Variants in CDKL1 observed in about 807,000 individuals in gnomAD.
CDKL1 encodes cyclin-dependent kinase-like 1.
Under a neutral mutation model 42.0 loss-of-function variants are expected in CDKL1, and 41 were observed. The observed-to-expected ratio is 0.98, with a 90% CI of 0.76 to 1.27. The LOEUF (loss-of-function observed/expected upper bound fraction) is 1.27. CDKL1 is among the 50% of genes most tolerant of loss of function. CDKL1 has a pLI of 0.00. For synonymous variants in CDKL1, 153 were observed against 158.6 expected (o/e 0.96, Z 0.26); for missense variants, 394 against 428.4 (o/e 0.92, Z 0.71).
At chr14:50,343,102 T>C in intron 4 of CDKL1, 1 of 1,201,898 alleles carries the variant, frequency 8.3e-7, no homozygotes, top group Non-Finnish European at 1.1e-6. Flanking sequence ...GATTTTCTCA[T>C]TAAATGACAA....
intron 2 of CDKL1, chr14:50,362,383 C>T (rs554974846): frequency 1.5e-5 from 4 of 268,996 alleles, no homozygotes; most frequent in South Asian, 3.1e-5. Context: ...CTTGGAGAAC[C>T]TTTATGTCTA....
chr14:50,352,310 C>T (rs2033927047), intron 3 of CDKL1, among the ~76,000 whole-genome samples: 1 of 151,420 alleles, frequency 6.6e-6, no homozygotes, highest in African/African-American at 2.4e-5. Flanking sequence ...ATAATAGAGC[C>T]TAAGGTAGCA....
chr14:50,375,550 T>C (rs2034705291), intron 2 of CDKL1, among the ~76,000 whole-genome samples: 1 of 152,138 alleles, frequency 6.6e-6, no homozygotes, highest in Non-Finnish European at 1.5e-5. Flanking sequence ...TCAACATCAA[T>C]AGTGGTAAGT....
At chr14:50,351,759 G>A (rs1203675659) in intron 3 of CDKL1, among the ~76,000 whole-genome samples, 2 of 151,742 alleles carry the variant, frequency 1.3e-5, no homozygotes, top group Non-Finnish European at 2.9e-5. Flanking sequence ...AAAGGTCAGG[G>A]GAGGGAATTA....
intron 2 of CDKL1, among the ~76,000 whole-genome samples, chr14:50,362,589 T>C (rs763333923): frequency 4.6e-5 from 7 of 151,944 alleles, no homozygotes; most frequent in Non-Finnish European, 8.8e-5. Context: ...CAGCACCCTG[T>C]GTCTAGCTCA....
intron 3 of CDKL1, chr14:50,356,967 C>T (rs543501977): frequency 2.0e-5 from 3 of 152,240 alleles, no homozygotes; most frequent in African/African-American, 7.2e-5. Flanking sequence ...AAAGAGCTGA[C>T]TTTCATTGCT....
Position 50,336,324 on chromosome 14 carries a change from T to G in CDKL1, c.739-1703A>C, listed in dbSNP as rs111441042. On this transcript the variant is annotated intron_variant, in intron 7 of 9. Coordinates refer to ENST00000395834, the MANE Select transcript of CDKL1 (RefSeq NM_004196.7). ...AATCTCTGGGAAGCCATGGGAAGCT[T>G]CTTACATTTATGAAACCTGGGTTAT... is the stretch of plus-strand genomic sequence containing the variant. The G allele has an allele frequency of 1.2e-4, 136 of 1,124,484 alleles. No individual in the cohort carries two copies. In the African/African-American group the frequency reaches 2.0e-3, roughly 17 times the overall value. The allele number at this position is 1,124,484 out of a possible 1,614,324, so 69.7% of individuals were successfully genotyped here. A position where few individuals can be genotyped will look rare whatever the true frequency, so the allele number is the denominator to read the frequency against.
chr14:50,382,990 C>T (rs1300436183), intron 2 of CDKL1, among the ~76,000 whole-genome samples: 3 of 151,258 alleles, frequency 2.0e-5, no homozygotes, highest in African/African-American at 4.9e-5. Context: ...TGCAGTGGCA[C>T]GATCTCTGCT....
intron 2 of CDKL1, among the ~76,000 whole-genome samples, chr14:50,394,041 T>C (rs1245708276): frequency 6.6e-6 from 1 of 152,188 alleles, no homozygotes; most frequent in Non-Finnish European, 1.5e-5. Context: ...CTCAATGAAT[T>C]TGGGGAGCTA....
At chr14:50,337,131 C>A (rs1194198626) in intron 7 of CDKL1, among the ~76,000 whole-genome samples, 1 of 152,118 alleles carries the variant, frequency 6.6e-6, no homozygotes, top group African/African-American at 2.4e-5. Context: ...ACCTCAGCCT[C>A]CCAAGTAGCT....
intron 3 of CDKL1, among the ~76,000 whole-genome samples, chr14:50,354,143 C>A (rs985498826): frequency 6.6e-6 from 1 of 151,764 alleles, no homozygotes; most frequent in South Asian, 2.1e-4. Flanking sequence ...TTAGTAGAGA[C>A]GGGGTTTCAC....
chr14:50,385,908 T>C (rs1595372626), intron 2 of CDKL1, among the ~76,000 whole-genome samples: 1 of 151,928 alleles, frequency 6.6e-6, no homozygotes, highest in East Asian at 1.9e-4. Context: ...TCATTATATA[T>C]ATAGTTCTAT....
At chr14:50,373,645 A>T (rs2034648758) in intron 2 of CDKL1, among the ~76,000 whole-genome samples, 1 of 152,222 alleles carries the variant, frequency 6.6e-6, no homozygotes, top group Admixed American at 6.5e-5. Flanking sequence ...TATAATACAG[A>T]TGGGAAATTT....
At chr14:50,346,388 T>A (rs547395742) in intron 3 of CDKL1, among the ~76,000 whole-genome samples, 1 of 152,142 alleles carries the variant, frequency 6.6e-6, no homozygotes, top group East Asian at 1.9e-4. Flanking sequence ...AAAAAGTCAC[T>A]GTCGAGAAAA....
intron 2 of CDKL1, among the ~76,000 whole-genome samples, chr14:50,393,050 G>A (rs976424086): frequency 2.0e-5 from 3 of 152,158 alleles, no homozygotes; most frequent in Non-Finnish European, 4.4e-5. Context: ...AAGACACTGG[G>A]TTATTACCTG....
At chr14:50,370,662 G>T (rs902878121) in intron 2 of CDKL1, among the ~76,000 whole-genome samples, 3 of 152,166 alleles carry the variant, frequency 2.0e-5, no homozygotes, top group African/African-American at 7.2e-5. Flanking sequence ...ACACGGGGCT[G>T]GCATCTGCTT....
At chr14:50,392,489 A>AATAATAATG (rs138572340) in intron 2 of CDKL1, among the ~76,000 whole-genome samples, 6,362 of 147,240 alleles carry the variant, frequency 0.043, 185 homozygotes, top group Middle Eastern at 0.087. Context: ...TAATAATAAT[A>AATAATAATG]ATGAAAGAAC....
intron 2 of CDKL1, among the ~76,000 whole-genome samples, chr14:50,378,962 T>C (rs1432204259): frequency 6.6e-6 from 1 of 151,898 alleles, no homozygotes; most frequent in African/African-American, 2.4e-5. Context: ...AGAGATTCTG[T>C]CTCCTCAGCC....
At position 50,341,079 on chromosome 14, in the gene CDKL1, G is replaced by A; in HGVS notation, c.608C>T (p.Pro203Leu). The change falls in exon 6 of 10, where the codon CCA becomes CTA. Residue 203 changes from proline to leucine, a missense_variant. By Grantham distance (98) the Pro-to-Leu change is moderately conservative. Transcript: ENST00000395834. Reference sequence around the variant, plus strand: ...CAGCTGATCCACATCCGATTTTCCTGGCCACAGAGGCACTCCTGACAGCAG... The same window carrying A: ...CAGCTGATCCACATCCGATTTTCCTAGCCACAGAGGCACTCCTGACAGCAG... ...AELLSGVPLW[P>L]GKSDVDQLYL... 1 of 1,614,054 alleles carries A rather than the reference G, an allele frequency of 6.2e-7. No homozygotes were observed. Among genetic ancestry groups the A allele is most frequent in the Non-Finnish European group, 8.5e-7 (1 of 1,180,032 alleles).
Sources: gnomAD v4.1 joint callset for allele counts (sites outside exome capture counted in the v4.1 genomes callset) on GRCh38, gnomAD v4.1.1 for gene constraint, MANE v1.5 for transcripts, NCBI Gene and HGNC (gene_info 2026-07-23, HGNC 2026-07-21) for gene names.